Variants in GIT2 observed in about 807,000 individuals in gnomAD.
GIT2 encodes the protein ARF GTPase-activating protein GIT2.
Under a neutral mutation model 100.3 loss-of-function variants are expected in GIT2, and 32 were observed. The ratio of observed to expected loss-of-function variants is 0.32; its 90% CI spans 0.24 to 0.43. GIT2 has a LOEUF of 0.43. GIT2 is among the 20% of genes least tolerant of loss of function. The pLI, the probability that GIT2 is intolerant of heterozygous loss-of-function variation, is 1.00. For missense variants in GIT2, 737 were observed against 975.1 expected (o/e 0.76, Z 3.25); for synonymous variants, 353 against 364.1 (o/e 0.97, Z 0.35).
intron 13 of GIT2, chr12:109,952,626 C>A: frequency 1.9e-6 from 1 of 519,760 alleles, no homozygotes; most frequent in Admixed American, 1.9e-5. Flanking sequence ...TGCCCCAATC[C>A]CAAGCGTCCC....
rs1432585224 is a variant in GIT2 at position 109,962,322 on chromosome 12, C to A, written c.817-637G>T. On this transcript the variant is annotated intron_variant, in intron 9 of 19. Transcript: ENST00000355312. This position sits in a 1 kb window ranked among gnomAD's most constrained non-coding sequence, Gnocchi z 4.3. ...GAGCCAAGATCACACCACTGCACTC[C>A]AGGCTGGGTGACAGAGTGAGACCCT... Among the ~76,000 whole-genome samples, 1 of 151,660 alleles carries A rather than the reference C, an allele frequency of 6.6e-6. No individual in the cohort carries two copies. Among genetic ancestry groups the A allele is most frequent in the Non-Finnish European group, 1.5e-5 (1 of 67,698 alleles).
intron 15 of GIT2, among the ~76,000 whole-genome samples, chr12:109,946,660 C>T (rs1876426900): frequency 6.6e-6 from 1 of 152,112 alleles, no homozygotes; most frequent in Non-Finnish European, 1.5e-5. Context: ...ACAACAAAGC[C>T]ACACTTCCCC....
rs1592934654 is a variant in GIT2, at chr12:109,934,746, C to T, written c.2004-661G>A. Among the ~76,000 whole-genome samples, 1 of 152,178 alleles carries T rather than the reference C, an allele frequency of 6.6e-6. No individual in the cohort carries two copies. Among genetic ancestry groups the T allele is most frequent in the Non-Finnish European group, 1.5e-5 (1 of 68,036 alleles). On this transcript the variant is annotated intron_variant, in intron 18 of 19. Coordinates refer to ENST00000355312, the MANE Select transcript of GIT2 (RefSeq NM_057169.5). The surrounding 1 kb of genome is among the most constrained non-coding windows in gnomAD (Gnocchi z 4.5). Reference sequence around the variant, plus strand: ...ATTGTCATAAGCAACTTATGCACTTCACCTTTGTAACAAGTCTAGTTTCAA... The same window carrying T: ...ATTGTCATAAGCAACTTATGCACTTTACCTTTGTAACAAGTCTAGTTTCAA...
In GIT2 at chr12:109,967,230, A is replaced by C. The variant is rs969455747; in HGVS notation, c.764+228T>G. ...TGTCACAACTGGCTAAAACAGTGAC[A>C]ATATCACTGGTTTCAATTTTCCTAT... On this transcript the variant is annotated intron_variant, in intron 8 of 19. Coordinates refer to ENST00000355312, the MANE Select transcript of GIT2 (RefSeq NM_057169.5). 4 of 895,932 alleles carry C rather than the reference A, an allele frequency of 4.5e-6. No individual in the cohort carries two copies. In the Admixed American group the frequency reaches 6.6e-5, roughly 15 times the overall value. 55.5% of individuals were successfully genotyped at this position (895,932 alleles called of 1,614,324 possible).
intron 14 of GIT2, 21 bp downstream of exon 14, chr12:109,951,146 T>C: frequency 6.2e-7 from 1 of 1,606,354 alleles, no homozygotes; most frequent in Non-Finnish European, 8.5e-7. Context: ...TCAACCGTCC[T>C]GGCATTTATT....
At chr12:109,971,766 G>A (rs1028358158) in intron 7 of GIT2, among the ~76,000 whole-genome samples, 1 of 151,948 alleles carries the variant, frequency 6.6e-6, no homozygotes, top group Non-Finnish European at 1.5e-5. Flanking sequence ...GCCAAGGTGG[G>A]TGGATCACCT....
In GIT2 at chr12:109,947,261, C is replaced by T. The variant is rs953837964; in HGVS notation, c.1636G>A (p.Ala546Thr). Residue 546 changes from alanine (A) to threonine (T), a missense_variant, in exon 15 of 20, where the codon GCG (alanine) becomes ACG (threonine). Coordinates refer to ENST00000355312, the MANE Select transcript of GIT2 (RefSeq NM_057169.5). The surrounding 1 kb of genome is among the most constrained non-coding windows in gnomAD (Gnocchi z 4.3). ...GCGCCAGTGGTGTTACTTACGTGCG[C>T]GGGGAAGGGCTGGAGTCTCATCCTG... The part of the protein sequence containing the change: ...ESRMRLQPFP[A>T]HIGRSALVTS... The T allele has an allele frequency of 2.5e-6, 4 of 1,612,476 alleles. No homozygotes were observed. Among genetic ancestry groups the T allele is most frequent in the Non-Finnish European group, 3.4e-6 (4 of 1,178,878 alleles).
In GIT2 at chr12:109,951,230, C is replaced by T; in HGVS notation, c.1329G>A (p.Lys443=). 1 of 1,613,294 alleles carries T rather than the reference C, an allele frequency of 6.2e-7. No homozygotes were observed. Among genetic ancestry groups the T allele is most frequent in the Non-Finnish European group, 8.5e-7 (1 of 1,179,202 alleles). ...VKNALVASEA[K]IQQLMKVNNN... is the part of the protein sequence containing the mutation. ...TATTCACCTTCATTAGCTGCTGTAT[C>T]TTGGCCTCAGAAGCCACTAGAGCGT... The change falls in exon 14 of 20, where the codon AAG becomes AAA. Residue 443 remains lysine (K), a synonymous_variant. Transcript: ENST00000355312.
chr12:109,975,794 T>A (rs1479123644), intron 7 of GIT2, among the ~76,000 whole-genome samples: 2 of 145,702 alleles, frequency 1.4e-5, no homozygotes, highest in Non-Finnish European at 3.0e-5. Context: ...TTTTTTTAGA[T>A]GGAGTCTCAC....
intron 8 of GIT2, among the ~76,000 whole-genome samples, chr12:109,966,652 A>G (rs1376235472): frequency 1.3e-5 from 2 of 152,002 alleles, no homozygotes; most frequent in Non-Finnish European, 2.9e-5. Flanking sequence ...TCTCTACCAA[A>G]GCAAAAAAAA....
intron 7 of GIT2, among the ~76,000 whole-genome samples, chr12:109,974,149 T>C (rs1298850135): frequency 6.6e-6 from 1 of 152,236 alleles, no homozygotes; most frequent in African/African-American, 2.4e-5. Flanking sequence ...CCAGAAATTC[T>C]GATATGCTGC....
intron 18 of GIT2, among the ~76,000 whole-genome samples, chr12:109,936,868 CAA>C (rs112015119): frequency 8.6e-4 from 79 of 91,662 alleles, no homozygotes; most frequent in African/African-American, 1.5e-3. Context: ...GACTCTGTCT[CAA>C]AAAAAAAAAA....
intron 7 of GIT2, among the ~76,000 whole-genome samples, chr12:109,974,875 A>G (rs529538475): frequency 1.3e-5 from 2 of 152,202 alleles, no homozygotes; most frequent in South Asian, 2.1e-4. Flanking sequence ...GTCTCCAACA[A>G]TAATTGTAGA....
intron 12 of GIT2, 94 bp from the exon 13 acceptor site, chr12:109,953,328 A>T: frequency 8.4e-7 from 1 of 1,193,632 alleles, no homozygotes; most frequent in Non-Finnish European, 1.2e-6. Context: ...AGCCATTTAA[A>T]GGACTTAAAG....
chr12:109,972,829 CTA>C (rs1884223540), intron 7 of GIT2, among the ~76,000 whole-genome samples: 1 of 151,746 alleles, frequency 6.6e-6, no homozygotes. Flanking sequence ...GCATTTTTCT[CTA>C]TTTTTTTTTG....
At chr12:109,940,640 G>A (rs1464576837) in intron 16 of GIT2, 1 of 152,182 alleles carries the variant, frequency 6.6e-6, no homozygotes, top group Non-Finnish European at 1.5e-5. Flanking sequence ...AGCATGTTGG[G>A]AGGCAGAGGT....
At chr12:109,945,490 A>C in intron 15 of GIT2, 141 bp from the exon 16 acceptor site, 1 of 640,268 alleles carries the variant, frequency 1.6e-6, no homozygotes, top group Non-Finnish European at 2.9e-6. Flanking sequence ...CACCAGTGAC[A>C]GGACCCCAGA....
intron 7 of GIT2, among the ~76,000 whole-genome samples, chr12:109,971,429 G>C (rs894605155): frequency 2.6e-5 from 4 of 151,822 alleles, no homozygotes; most frequent in African/African-American, 9.7e-5. Context: ...AGGTTCAAGC[G>C]ATTCTCCTAA....
intron 7 of GIT2, among the ~76,000 whole-genome samples, chr12:109,980,674 G>C (rs1354627149): frequency 6.6e-6 from 1 of 152,066 alleles, no homozygotes; most frequent in African/African-American, 2.4e-5. Flanking sequence ...AAGAACTGTG[G>C]TACCCATTCA....
Sources: allele counts gnomAD v4.1 joint callset (sites outside exome capture counted in the v4.1 genomes callset), GRCh38; gene constraint gnomAD v4.1.1; non-coding constraint Gnocchi (gnomAD v3.1); transcripts MANE v1.5; gene names NCBI Gene and HGNC (gene_info 2026-07-23, HGNC 2026-07-21).